NGEF: variants seen among roughly 807,000 people sequenced by gnomAD.
NGEF encodes the protein neuronal guanine nucleotide exchange factor, also known as ephexin-1.
In NGEF, 31 loss-of-function variants were observed where a neutral mutation model predicts 80.9. The ratio of observed to expected loss-of-function variants is 0.38; its 90% CI spans 0.29 to 0.52. The LOEUF is 0.52. Ranked by LOEUF, NGEF falls within the 20% of genes least tolerant of loss-of-function variation. NGEF has a pLI of 0.84. For synonymous variants in NGEF, 371 were observed against 370.2 expected, an observed-to-expected ratio of 1.00 and a Z score of -0.03; for missense variants, 709 against 926.2, an observed-to-expected ratio of 0.77 and a Z score of 3.04.
chr2:232,905,385 G>A (rs1331775440), intron 5 of NGEF, among the ~76,000 whole-genome samples: 1 of 148,922 alleles, frequency 6.7e-6, no homozygotes, highest in African/African-American at 2.5e-5. Context: ...ATTGCAGACG[G>A]AGTCTCGTTA....
chr2:232,946,926 C>A (rs375638555), intron 3 of NGEF, among the ~76,000 whole-genome samples: 2 of 135,276 alleles, frequency 1.5e-5, no homozygotes. Flanking sequence ...AGAAAACAAA[C>A]CAAAAAACAA....
intron 1 of NGEF, among the ~76,000 whole-genome samples, chr2:232,980,844 T>A (rs1275880575): frequency 2.0e-5 from 3 of 152,064 alleles, no homozygotes; most frequent in Non-Finnish European, 4.4e-5. Context: ...GGCAAAGTCC[T>A]AGGGGAACAC....
chr2:232,932,158 C>CCTTT (rs1385668403), intron 3 of NGEF, among the ~76,000 whole-genome samples: 7 of 118,786 alleles, frequency 5.9e-5, no homozygotes, highest in Admixed American at 5.0e-4. Context: ...TCCAGAATCA[C>CCTTT]CTTTCTTTTT....
In NGEF at chr2:232,994,625, A is replaced by C. The variant is rs528201513; in HGVS notation, c.-75+18443T>G. Among the ~76,000 whole-genome samples, 33 of 152,236 alleles carry C rather than the reference A, an allele frequency of 2.2e-4. No individual in the cohort carries two copies. The South Asian group carries it at 6.4e-3, about 30-fold the overall frequency. On this transcript the variant is annotated intron_variant, in intron 1 of 14. Transcript: ENST00000264051. ...TTGGGAGCGGGGAGTGGAGCCAGCC[A>C]GGCATGGCTTGTCATCCCCGTTCGG...
chr2:232,902,507 T>C (rs1692385701), intron 5 of NGEF, among the ~76,000 whole-genome samples: 2 of 152,196 alleles, frequency 1.3e-5, no homozygotes, highest in Non-Finnish European at 2.9e-5. Context: ...AGCCATGGGA[T>C]GCAGGCGCTG....
chr2:232,934,191 G>A (rs1362404447), intron 3 of NGEF, among the ~76,000 whole-genome samples: 7 of 147,598 alleles, frequency 4.7e-5, no homozygotes, highest in African/African-American at 1.3e-4. Flanking sequence ...GCAGTGAGCC[G>A]AGATTGCGCC....
chr2:232,973,836 C>T (rs147129703), intron 2 of NGEF, among the ~76,000 whole-genome samples: 8 of 152,326 alleles, frequency 5.3e-5, no homozygotes, highest in East Asian at 1.9e-4. Flanking sequence ...GGGAGTTTAA[C>T]GTGTGGCAAA....
At chr2:232,967,106 GTC>G (rs1053729496) in intron 3 of NGEF, among the ~76,000 whole-genome samples, 1 of 152,136 alleles carries the variant, frequency 6.6e-6, no homozygotes, top group African/African-American at 2.4e-5. Context: ...GATCCCTCAT[GTC>G]TCTGTGCTGT....
chr2:232,929,908 T>C (rs1338781910), intron 3 of NGEF, among the ~76,000 whole-genome samples: 6 of 152,198 alleles, frequency 3.9e-5, no homozygotes, highest in Non-Finnish European at 8.8e-5. Flanking sequence ...ATTGTTCTCC[T>C]GGTAGTGAAT....
At chr2:232,958,139 G>T (rs1693870252) in intron 3 of NGEF, among the ~76,000 whole-genome samples, 1 of 152,148 alleles carries the variant, frequency 6.6e-6, no homozygotes, top group Non-Finnish European at 1.5e-5. Flanking sequence ...ACCCAAGCGA[G>T]GGATGCCAGA....
At chr2:233,008,559 C>T (rs1695136727) in intron 1 of NGEF, among the ~76,000 whole-genome samples, 1 of 152,192 alleles carries the variant, frequency 6.6e-6, no homozygotes, top group Non-Finnish European at 1.5e-5. Context: ...GGGTCAAGGG[C>T]CTTAGGCCCA....
At chr2:232,944,726 A>AATACATATATAT (rs1553552730) in intron 3 of NGEF, among the ~76,000 whole-genome samples, 1 of 108,722 alleles carries the variant, frequency 9.2e-6, no homozygotes, top group African/African-American at 3.4e-5. Flanking sequence ...GACTTTTCCG[A>AATACATATATAT]ATATATATAT....
intron 1 of NGEF, among the ~76,000 whole-genome samples, chr2:232,987,291 T>A (rs537222613): frequency 2.0e-5 from 3 of 152,342 alleles, no homozygotes; most frequent in African/African-American, 7.2e-5. Flanking sequence ...GTGCTGAGAT[T>A]ACAGGCATTA....
chr2:232,887,966 C>G (rs370919706), intron 9 of NGEF, 67 bp downstream of exon 9: 15 of 1,220,858 alleles, frequency 1.2e-5, no homozygotes, highest in Admixed American at 5.1e-5. Context: ...GGAGCAGGGC[C>G]GGAAAGGTGT....
intron 3 of NGEF, among the ~76,000 whole-genome samples, chr2:232,969,882 A>G (rs2106320584): frequency 6.6e-6 from 1 of 152,048 alleles, no homozygotes; most frequent in Middle Eastern, 3.4e-3. Flanking sequence ...GAGGAGTAAC[A>G]ATAGTTTTTT....
Position 232,879,528 on chromosome 2 carries a change from G to T in NGEF, c.2094C>A (p.Asn698Lys), listed in dbSNP as rs1235532050. The T allele has an allele frequency of 2.5e-6, 4 of 1,613,226 alleles. No homozygotes were observed. In the African/African-American group the frequency reaches 4.0e-5, roughly 16 times the overall value. The change falls in exon 15 of 15, where the codon AAC (asparagine) becomes AAA (lysine). Residue 698 changes from asparagine (N) to lysine (K), a missense_variant. Around this residue, in one of 2 missense-constraint regions of NGEF, gnomAD observed 426 missense variants for 622.9 expected, o/e 0.68. Transcript: ENST00000264051. Reference sequence around the variant, plus strand: ...GGCTGCCCAGCTTCCTGCGGTCCTTGTTCTGGCTGCGCTGAGGGTCATCCA... The same window carrying T: ...GGCTGCCCAGCTTCCTGCGGTCCTTTTTCTGGCTGCGCTGAGGGTCATCCA... ...HKMDDPQRSQ[N>K]KDRRKLGSRN...
In NGEF at chr2:232,928,265, G is replaced by C. The variant is rs1056646095; in HGVS notation, c.384-1079C>G. 151 of 699,922 alleles carry C rather than the reference G, an allele frequency of 2.2e-4. 1 individual carries two copies. The highest frequency in any genetic ancestry group is 2.5e-4 in the Non-Finnish European group (144 of 573,046). 43.4% of individuals were successfully genotyped at this position (699,922 alleles called of 1,614,324 possible). ...GGGCGGCGGCGGGGCGGGGGCGCCC[G>C]GGCTGGGCGCGACCCGGGCCCCGCG... On this transcript the variant is annotated intron_variant, in intron 3 of 14. Transcript: ENST00000264051.
At chr2:232,964,923 A>G (rs763396534) in intron 3 of NGEF, among the ~76,000 whole-genome samples, 5 of 152,208 alleles carry the variant, frequency 3.3e-5, no homozygotes, top group African/African-American at 4.8e-5. Flanking sequence ...TCTTGGGGCA[A>G]TGGAAATGTT....
intron 1 of NGEF, among the ~76,000 whole-genome samples, chr2:233,000,759 CA>C (rs566401446): frequency 0.38 from 44,272 of 115,068 alleles, 7,469 homozygotes; most frequent in African/African-American, 0.52. Context: ...GACTCTGTCT[CA>C]AAAAAAAAAA....
Sources: allele counts gnomAD v4.1 joint callset (sites outside exome capture counted in the v4.1 genomes callset), GRCh38; gene constraint gnomAD v4.1.1; regional missense constraint gnomAD v4.1.1; transcripts MANE v1.5; gene names NCBI Gene and HGNC (gene_info 2026-07-23, HGNC 2026-07-21).